GMDS: variants seen among roughly 807,000 people sequenced by gnomAD.
GMDS encodes GDP-mannose 4,6-dehydratase, also known as GDP-mannose 4,6 dehydratase.
A neutral mutation model predicts 49.9 loss-of-function variants in GMDS; 20 were observed. The ratio of observed to expected loss-of-function variants is 0.40; its 90% confidence interval spans 0.28 to 0.58. The LOEUF (loss-of-function observed/expected upper bound fraction) is 0.58, where lower values mean the gene tolerates loss of function less well. Ranked by LOEUF, GMDS falls within the 20% of genes least tolerant of loss-of-function variation. The pLI, the probability that GMDS is intolerant of heterozygous loss-of-function variation, is 0.42. For missense variants in GMDS, 362 were observed against 481.4 expected (o/e 0.75, Z 2.32); for synonymous variants, 177 against 178.6 (o/e 0.99, Z 0.07).
intron 1 of GMDS, among the ~76,000 whole-genome samples, chr6:2,190,613 G>A (rs191294032): frequency 7.9e-5 from 12 of 152,258 alleles, no homozygotes; most frequent in East Asian, 5.8e-4. Flanking sequence ...TTCCACCAGC[G>A]GCCAAGTTAC....
At chr6:2,020,625 A>T (rs538897014) in intron 4 of GMDS, among the ~76,000 whole-genome samples, 159 of 152,198 alleles carry the variant, frequency 1.0e-3, no homozygotes, top group Non-Finnish European at 1.7e-3. Context: ...TATTTTTTTT[A>T]AAAAATCAAA....
At chr6:2,140,379 G>A (rs975766248) in intron 1 of GMDS, among the ~76,000 whole-genome samples, 1 of 152,118 alleles carries the variant, frequency 6.6e-6, no homozygotes, top group African/African-American at 2.4e-5. Context: ...GCCTCCAAAG[G>A]GAACATGGCC....
At chr6:1,782,497 G>C (rs1769140062) in intron 7 of GMDS, among the ~76,000 whole-genome samples, 1 of 152,128 alleles carries the variant, frequency 6.6e-6, no homozygotes, top group Non-Finnish European at 1.5e-5. Context: ...ACTTTGTTAG[G>C]ACTAATAAAA....
intron 7 of GMDS, among the ~76,000 whole-genome samples, chr6:1,860,938 A>C (rs1037458546): frequency 1.3e-5 from 2 of 152,200 alleles, no homozygotes; most frequent in African/African-American, 4.8e-5. Context: ...GTCTTGCTCC[A>C]CTAACTGCAC....
At chr6:1,651,973 C>T (rs750637866) in intron 9 of GMDS, among the ~76,000 whole-genome samples, 1 of 151,976 alleles carries the variant, frequency 6.6e-6, no homozygotes, top group African/African-American at 2.4e-5. Flanking sequence ...AATGAAAGTT[C>T]CTTGTTTGAT....
At chr6:1,953,595 A>C (rs1372796585) in intron 6 of GMDS, among the ~76,000 whole-genome samples, 1 of 152,238 alleles carries the variant, frequency 6.6e-6, no homozygotes, top group Non-Finnish European at 1.5e-5. Flanking sequence ...AAGAATTAAG[A>C]CATAATTAGC....
chr6:2,217,080 G>C (rs551499542), intron 1 of GMDS, among the ~76,000 whole-genome samples: 1 of 152,108 alleles, frequency 6.6e-6, no homozygotes, highest in African/African-American at 2.4e-5. Flanking sequence ...ACGTGGACTC[G>C]AGCTGGCTCT....
intron 2 of GMDS, among the ~76,000 whole-genome samples, chr6:2,122,273 G>A (rs1257516217): frequency 6.6e-6 from 1 of 152,110 alleles, no homozygotes; most frequent in African/African-American, 2.4e-5. Flanking sequence ...ACACTGACTG[G>A]GGTCGTGTTA....
intron 7 of GMDS, among the ~76,000 whole-genome samples, chr6:1,743,325 G>A (rs1342027142): frequency 2.0e-5 from 3 of 152,102 alleles, no homozygotes; most frequent in African/African-American, 2.4e-5. Context: ...AGGCCGAGGC[G>A]GGTGGATCAC....
intron 7 of GMDS, among the ~76,000 whole-genome samples, chr6:1,773,328 A>G (rs1446680128): frequency 1.3e-5 from 2 of 152,194 alleles, no homozygotes; most frequent in Non-Finnish European, 2.9e-5. Flanking sequence ...ATAATTCTCT[A>G]AATACAACTC....
chr6:2,139,242 G>A (rs551713582), intron 1 of GMDS, among the ~76,000 whole-genome samples: 11 of 152,274 alleles, frequency 7.2e-5, no homozygotes, highest in Admixed American at 5.9e-4. Flanking sequence ...AATTACTAAT[G>A]ATAATGTACT....
At chr6:1,935,571 A>T (rs1762487707) in intron 6 of GMDS, among the ~76,000 whole-genome samples, 1 of 152,204 alleles carries the variant, frequency 6.6e-6, no homozygotes, top group South Asian at 2.1e-4. Context: ...TGAAAGTCTG[A>T]GATTGAGGAA....
intron 4 of GMDS, among the ~76,000 whole-genome samples, chr6:2,044,879 T>C (rs1040401153): frequency 1.4e-5 from 2 of 143,990 alleles, no homozygotes; most frequent in African/African-American, 5.0e-5. Context: ...AATTTTTTCT[T>C]TTCTGTGTGT....
intron 1 of GMDS, among the ~76,000 whole-genome samples, chr6:2,172,861 T>C (rs910098475): frequency 2.0e-5 from 3 of 152,152 alleles, no homozygotes; most frequent in African/African-American, 7.2e-5. Context: ...ATTGATAACA[T>C]TAGTGGATAT....
chr6:1,821,250 G>C (rs1388300288), intron 7 of GMDS, among the ~76,000 whole-genome samples: 3 of 152,150 alleles, frequency 2.0e-5, no homozygotes, highest in African/African-American at 4.8e-5. Context: ...TCGGAAGTGA[G>C]TGGGTCTCCC....
intron 9 of GMDS, among the ~76,000 whole-genome samples, chr6:1,718,696 G>A (rs1035096535): frequency 1.3e-5 from 2 of 151,520 alleles, no homozygotes; most frequent in African/African-American, 2.4e-5. Context: ...TTACCTCTAC[G>A]GTAATGGAAT....
intron 7 of GMDS, among the ~76,000 whole-genome samples, chr6:1,764,480 C>T (rs543180944): frequency 4.6e-4 from 70 of 152,326 alleles, no homozygotes; most frequent in African/African-American, 1.4e-3. Context: ...AGACAACTTA[C>T]TCATTTCACC....
intron 1 of GMDS, among the ~76,000 whole-genome samples, chr6:2,127,690 C>A (rs1026364416): frequency 6.6e-6 from 1 of 152,222 alleles, no homozygotes. Context: ...GGCTCCTGGT[C>A]CCCAGCCCAG....
intron 4 of GMDS, among the ~76,000 whole-genome samples, chr6:2,093,475 G>C (rs1773431494): frequency 6.6e-6 from 1 of 152,134 alleles, no homozygotes; most frequent in Non-Finnish European, 1.5e-5. Flanking sequence ...ACTAGTAATA[G>C]TTGTTAATGA....
Sources: allele counts gnomAD v4.1 joint callset (sites outside exome capture counted in the v4.1 genomes callset), GRCh38; gene constraint gnomAD v4.1.1; transcripts MANE v1.5; gene names NCBI Gene and HGNC (gene_info 2026-07-23, HGNC 2026-07-21).